The following PACRG variants were observed in gnomAD, a reference collection of about 807,000 sequenced individuals.
PACRG encodes the protein parkin coregulated.
In PACRG, 29 loss-of-function variants were observed where a neutral mutation model predicts 29.7. The ratio of observed to expected loss-of-function variants is 0.98; its 90% CI spans 0.73 to 1.33. PACRG has a LOEUF of 1.33. PACRG is among the 40% of genes most tolerant of loss of function. The pLI is 0.00. For missense variants in PACRG, 279 were observed against 316.2 expected (o/e 0.88, Z 0.89); for synonymous variants, 116 against 118.7 (o/e 0.98, Z 0.15).
At position 163,202,317 on chromosome 6, in the gene PACRG, C is replaced by A. The variant is rs60391768; in HGVS notation, c.614-112510C>A. The stretch of plus-strand genomic sequence containing the variant: ...GTCCTTCTCCAGTCCCAAAGCTCTG[C>A]CATTTCTGCCTTTGCTGCTATGAAA... On this transcript the variant is annotated intron_variant, in intron 4 of 4. Coordinates refer to ENST00000366888, the MANE Select transcript of PACRG (RefSeq NM_001080379.2). 8.5e-3 allele frequency among the ~76,000 whole-genome samples: 1,287 copies of A among 152,124 alleles called. 15 individuals carry two copies. The highest frequency in any genetic ancestry group is 0.03 in the African/African-American group (1,229 of 41,484).
At chr6:163,242,623 C>T (rs1782546180) in intron 4 of PACRG, among the ~76,000 whole-genome samples, 1 of 152,154 alleles carries the variant, frequency 6.6e-6, no homozygotes, top group Non-Finnish European at 1.5e-5. Flanking sequence ...CAAACATTGA[C>T]AAATAGGGGA....
chr6:163,259,999 G>A (rs1162280053), intron 4 of PACRG, among the ~76,000 whole-genome samples: 1 of 152,180 alleles, frequency 6.6e-6, no homozygotes, highest in Non-Finnish European at 1.5e-5. Flanking sequence ...GTGTGCCTGT[G>A]TGTTCCTGAT....
chr6:163,237,121 A>T (rs1782274857), intron 4 of PACRG, among the ~76,000 whole-genome samples: 1 of 152,194 alleles, frequency 6.6e-6, no homozygotes, highest in Admixed American at 6.5e-5. Context: ...GGTTTGATAC[A>T]GGCTTTTGAG....
At chr6:162,855,162 G>A (rs2128432360) in intron 2 of PACRG, among the ~76,000 whole-genome samples, 1 of 152,336 alleles carries the variant, frequency 6.6e-6, no homozygotes, top group Non-Finnish European at 1.5e-5. Flanking sequence ...CAGACTCGGC[G>A]TAAGCTGGAG....
chr6:162,803,131 C>T (rs1409803304), intron 1 of PACRG, among the ~76,000 whole-genome samples: 1 of 152,064 alleles, frequency 6.6e-6, no homozygotes, highest in African/African-American at 2.4e-5. Flanking sequence ...AGGATCAAAC[C>T]CCACTTCACA....
chr6:162,773,037 C>T (rs983043948), intron 1 of PACRG, among the ~76,000 whole-genome samples: 7 of 152,064 alleles, frequency 4.6e-5, no homozygotes, highest in Non-Finnish European at 1.0e-4. Flanking sequence ...TTTAGAATCA[C>T]GGAGGTCAAT....
chr6:163,254,226 TG>T (rs1412106119), intron 4 of PACRG, among the ~76,000 whole-genome samples: 2 of 152,232 alleles, frequency 1.3e-5, no homozygotes, highest in African/African-American at 4.8e-5. Flanking sequence ...TTAAGGCAGC[TG>T]CTCTGGAAGA....
chr6:162,994,319 T>A (rs1196917278), intron 2 of PACRG, among the ~76,000 whole-genome samples: 1 of 150,806 alleles, frequency 6.6e-6, no homozygotes, highest in East Asian at 1.9e-4. Context: ...TTCTCCTGGA[T>A]AATATCCTGT....
At chr6:163,069,346 T>C (rs2128277019) in intron 3 of PACRG, among the ~76,000 whole-genome samples, 1 of 149,444 alleles carries the variant, frequency 6.7e-6, no homozygotes, top group East Asian at 2.0e-4. Context: ...AATAGAGATA[T>C]GTGACTTTTC....
chr6:162,727,791 G>A, upstream of PACRG: 1 of 1,082,980 alleles, frequency 9.2e-7, no homozygotes, highest in Non-Finnish European at 1.4e-6. Context: ...CCCCGCGCCC[G>A]GCCCTAGGAA....
chr6:163,136,704 T>A (rs1436797905), intron 4 of PACRG, among the ~76,000 whole-genome samples: 1 of 152,228 alleles, frequency 6.6e-6, no homozygotes, highest in African/African-American at 2.4e-5. Context: ...ACTGTTGTAC[T>A]ACACCTTGAT....
intron 4 of PACRG, among the ~76,000 whole-genome samples, chr6:163,259,975 AGTT>A (rs1783260493): frequency 6.6e-6 from 1 of 152,168 alleles, no homozygotes; most frequent in African/African-American, 2.4e-5. Flanking sequence ...CTGGTTTCAG[AGTT>A]GGAAGAGGGT....
chr6:163,122,599 C>T (rs1295121547), intron 4 of PACRG, among the ~76,000 whole-genome samples: 1 of 152,184 alleles, frequency 6.6e-6, no homozygotes, highest in African/African-American at 2.4e-5. Context: ...AACAGCTCCC[C>T]TTCGACTTCC....
At chr6:163,121,510 C>T (rs1348820577) in intron 4 of PACRG, among the ~76,000 whole-genome samples, 1 of 152,126 alleles carries the variant, frequency 6.6e-6, no homozygotes, top group Non-Finnish European at 1.5e-5. Context: ...TCACTTCCAG[C>T]CGATCCAGGA....
chr6:163,303,614 C>T (rs1785086523), intron 4 of PACRG, among the ~76,000 whole-genome samples: 2 of 152,098 alleles, frequency 1.3e-5, no homozygotes, highest in Admixed American at 6.6e-5. Context: ...TTGAAAATCA[C>T]CATGTAGCTA....
chr6:163,056,439 T>C (rs572636240), intron 2 of PACRG, among the ~76,000 whole-genome samples: 3 of 152,316 alleles, frequency 2.0e-5, no homozygotes, highest in South Asian at 2.1e-4. Context: ...TGTGTCAACC[T>C]ACCCCTAAGT....
intron 2 of PACRG, among the ~76,000 whole-genome samples, chr6:162,892,831 T>C (rs997400407): frequency 6.6e-6 from 1 of 151,876 alleles, no homozygotes. Flanking sequence ...GCCACTGACA[T>C]AGGGCACACT....
At chr6:162,914,170 C>T (rs1375290780) in intron 2 of PACRG, among the ~76,000 whole-genome samples, 1 of 151,966 alleles carries the variant, frequency 6.6e-6, no homozygotes, top group African/African-American at 2.4e-5. Flanking sequence ...CTTTGTTTGT[C>T]ACAGGTTTTA....
chr6:162,754,793 A>G (rs1227190482), intron 1 of PACRG, among the ~76,000 whole-genome samples: 1 of 152,082 alleles, frequency 6.6e-6, no homozygotes, highest in African/African-American at 2.4e-5. Context: ...ATGGGTTTTC[A>G]TGTCTGTTTT....
Sources: gnomAD v4.1 joint callset for allele counts (sites outside exome capture counted in the v4.1 genomes callset) on GRCh38, gnomAD v4.1.1 for gene constraint, MANE v1.5 for transcripts, NCBI Gene and HGNC (gene_info 2026-07-23, HGNC 2026-07-21) for gene names.